Variants in TFEB observed in about 807,000 individuals in gnomAD.
TFEB encodes T-cell transcription factor EB.
Under a neutral mutation model 48.0 loss-of-function variants are expected in TFEB, and 12 were observed. That is an observed-to-expected ratio of 0.25 (90% CI 0.16 to 0.40). TFEB has a LOEUF of 0.40. TFEB is among the 10% of genes least tolerant of loss of function. TFEB has a pLI of 1.00. For missense variants in TFEB, 509 were observed against 640.3 expected (o/e 0.79, Z 2.21); for synonymous variants, 244 against 261.4 (o/e 0.93, Z 0.64).
At chr6:41,705,012 T>C (rs1198555121) in intron 1 of TFEB, among the ~76,000 whole-genome samples, 1 of 152,154 alleles carries the variant, frequency 6.6e-6, no homozygotes, top group East Asian at 1.9e-4. Context: ...AGACAGACCA[T>C]ATGAGACACA....
chr6:41,733,972 C>T, intron 1 of TFEB: 1 of 702,476 alleles, frequency 1.4e-6, no homozygotes, highest in Non-Finnish European at 1.8e-6. Flanking sequence ...AGGCCACACC[C>T]CAGAGGTGTC....
rs953962203 is a variant in TFEB, at chr6:41,730,059, G to T, written c.-23+5291C>A. On this transcript the variant is annotated intron_variant, in intron 1 of 8. Coordinates refer to ENST00000373033, the MANE Select transcript of TFEB (RefSeq NM_001271944.2). The surrounding 1 kb of genome is among the most constrained non-coding windows in gnomAD (Gnocchi z 4.1). Reference sequence around the variant, plus strand: ...TGTGTTTAAACAATTCCTCCAGGGAGTTCTCATGCATGCCCAAATTTGAGA... The same window carrying T: ...TGTGTTTAAACAATTCCTCCAGGGATTTCTCATGCATGCCCAAATTTGAGA... Among the ~76,000 whole-genome samples the T allele has an allele frequency of 6.6e-6, 1 of 152,064 alleles. No homozygotes were observed. Among genetic ancestry groups the T allele is most frequent in the African/African-American group, 2.4e-5 (1 of 41,398 alleles).
intron 1 of TFEB, among the ~76,000 whole-genome samples, chr6:41,697,622 T>C (rs934994899): frequency 4.6e-5 from 7 of 150,642 alleles, no homozygotes; most frequent in Admixed American, 2.7e-4. Flanking sequence ...TTTGGCAATA[T>C]ATGTCAAAGC....
chr6:41,684,773 C>A lies in TFEB; in HGVS notation c.1257G>T (p.Pro419=). The change falls in exon 9 of 9, where the codon CCG becomes CCT. Residue 419 remains proline (P), a synonymous_variant. Coordinates refer to ENST00000373033, the MANE Select transcript of TFEB (RefSeq NM_001271944.2). ...GPPGYPEPLA[P]GHGSPFPSLS... is the part of the protein sequence containing the mutation. ...GGCTGGGGAATGGGGAGCCATGCCC[C>A]GGCGCCAGGGGTTCGGGGTAGCCCG... is the stretch of plus-strand genomic sequence containing the variant. 6.2e-7 allele frequency: 1 copy of A among 1,611,600 alleles called. No individual in the cohort carries two copies. Among genetic ancestry groups the A allele is most frequent in the African/African-American group, 1.3e-5 (1 of 74,984 alleles).
intron 1 of TFEB, among the ~76,000 whole-genome samples, chr6:41,702,847 T>C (rs1182038330): frequency 6.6e-6 from 1 of 152,188 alleles, no homozygotes; most frequent in Admixed American, 6.5e-5. Flanking sequence ...TGCGTGACCT[T>C]GGGCAAGTCC....
In TFEB at chr6:41,724,007, T is replaced by G; in HGVS notation, c.-23+11343A>C. 1 of 476,298 alleles carries G rather than the reference T, an allele frequency of 2.1e-6. No homozygotes were observed. The allele number at this position is 476,298 out of a possible 1,614,324, so 29.5% of individuals were successfully genotyped here. On this transcript the variant is annotated intron_variant, in intron 1 of 8. Coordinates refer to ENST00000373033, the MANE Select transcript of TFEB (RefSeq NM_001271944.2). The surrounding 1 kb of genome is among the most constrained non-coding windows in gnomAD (Gnocchi z 4.4). ...CCTGACTGGCCATACACCTGCAGTC[T>G]TGGCCTTGGGCCTTCCCAGGGCCTC... is the stretch of plus-strand genomic sequence containing the variant.
intron 1 of TFEB, among the ~76,000 whole-genome samples, chr6:41,726,083 T>C (rs186383935): frequency 1.6e-3 from 239 of 152,226 alleles, no homozygotes; most frequent in Middle Eastern, 0.01. Flanking sequence ...CACTCCAGCC[T>C]GGGCAACAGA....
Position 41,723,419 on chromosome 6 carries a change from A to G in TFEB, c.-23+11931T>C. On this transcript the variant is annotated intron_variant, in intron 1 of 8. Coordinates refer to ENST00000373033, the MANE Select transcript of TFEB (RefSeq NM_001271944.2). The surrounding 1 kb of genome is among the most constrained non-coding windows in gnomAD (Gnocchi z 6.0). ...CACACATTCACACACATGCTCACAC[A>G]CATGCACACACTCACACACATGCAC... 1 of 1,151,244 alleles carries G rather than the reference A, an allele frequency of 8.7e-7. No individual in the cohort carries two copies. Among genetic ancestry groups the G allele is most frequent in the Non-Finnish European group, 1.2e-6 (1 of 863,774 alleles). The allele number at this position is 1,151,244 out of a possible 1,614,324, so 71.3% of individuals were successfully genotyped here.
At chr6:41,736,136 C>T, upstream of TFEB, 1 of 1,612,890 alleles carries the variant, frequency 6.2e-7, no homozygotes. Context: ...TACATTCACG[C>T]CCCACTCACC....
At chr6:41,706,132 G>T (rs918663631) in intron 1 of TFEB, among the ~76,000 whole-genome samples, 2 of 152,212 alleles carry the variant, frequency 1.3e-5, no homozygotes, top group Admixed American at 6.5e-5. Context: ...AGGGAGAGGG[G>T]CCTAGCAAGG....
chr6:41,714,308 C>T (rs558974732), intron 1 of TFEB, among the ~76,000 whole-genome samples: 1 of 152,314 alleles, frequency 6.6e-6, no homozygotes, highest in Non-Finnish European at 1.5e-5. Flanking sequence ...ACGGTGAGAA[C>T]CAAAGGGCCT....
chr6:41,690,850 TCCCGCACCTTCTGATGCTG>T lies in TFEB; in HGVS notation c.262_280del (p.Gln88SerfsTer98). The T allele has an allele frequency of 6.2e-7, 1 of 1,611,278 alleles. No individual in the cohort carries two copies. Among genetic ancestry groups the T allele is most frequent in the Non-Finnish European group, 8.5e-7 (1 of 1,177,980 alleles). ...GTTCCCATAGGTCTCGGACAGGTAC[TCCCGCACCTTCTGATGCTG>T]CGACTGCTGCAGATGGTAGGATGTG... On this transcript the variant is annotated frameshift_variant, in exon 3 of 9. Coordinates refer to ENST00000373033, the MANE Select transcript of TFEB (RefSeq NM_001271944.2). LOFTEE classifies it high-confidence loss of function.
chr6:41,734,201 G>T lies in TFEB; in HGVS notation c.-23+1149C>A, dbSNP rs999518197. 4 of 266,072 alleles carry T rather than the reference G, an allele frequency of 1.5e-5. No homozygotes were observed. The highest frequency in any genetic ancestry group is 2.3e-5 in the Non-Finnish European group (4 of 172,046). 16.5% of individuals were successfully genotyped at this position (266,072 alleles called of 1,614,324 possible). On this transcript the variant is annotated intron_variant, in intron 1 of 8. Coordinates refer to ENST00000373033, the MANE Select transcript of TFEB (RefSeq NM_001271944.2). The surrounding 1 kb of genome is among the most constrained non-coding windows in gnomAD (Gnocchi z 4.0). ...GAGAACGACGGCTGGAGCTGAGGGGGGTTCGGGGGAAGGCGCAGCGGCCAG... is the reference window on the plus strand; with the variant it reads ...GAGAACGACGGCTGGAGCTGAGGGGTGTTCGGGGGAAGGCGCAGCGGCCAG...
intron 1 of TFEB, among the ~76,000 whole-genome samples, chr6:41,712,758 C>A (rs1237030227): frequency 6.6e-6 from 1 of 152,096 alleles, no homozygotes; most frequent in Non-Finnish European, 1.5e-5. Flanking sequence ...GTGCACCCAG[C>A]GTTACTCTGG....
rs764697930 is a variant in TFEB, at chr6:41,723,533, G to T, written c.-23+11817C>A. Reference sequence around the variant, plus strand: ...CCTCCAGGGGCCGGAGCCCAGGGCCGCACCCCAGCCCCAGGGCCGGGCTCA... The same window carrying T: ...CCTCCAGGGGCCGGAGCCCAGGGCCTCACCCCAGCCCCAGGGCCGGGCTCA... On this transcript the variant is annotated intron_variant, in intron 1 of 8. Transcript: ENST00000373033. The surrounding 1 kb of genome is among the most constrained non-coding windows in gnomAD (Gnocchi z 6.0). The T allele has an allele frequency of 7.8e-7, 1 of 1,283,782 alleles. No homozygotes were observed. The highest frequency in any genetic ancestry group is 1.0e-6 in the Non-Finnish European group (1 of 986,382). The allele number at this position is 1,283,782 out of a possible 1,614,324, so 79.5% of individuals were successfully genotyped here. A position where few individuals can be genotyped will look rare whatever the true frequency, so the allele number is the denominator to read the frequency against.
At chr6:41,709,322 G>A (rs879818946) in intron 1 of TFEB, among the ~76,000 whole-genome samples, 29 of 152,170 alleles carry the variant, frequency 1.9e-4, no homozygotes, top group South Asian at 4.1e-4. Context: ...TCCCAGGGTC[G>A]CAGTATCCTC....
chr6:41,716,673 C>A (rs546562130), intron 1 of TFEB, among the ~76,000 whole-genome samples: 3 of 152,294 alleles, frequency 2.0e-5, no homozygotes, highest in East Asian at 3.9e-4. Context: ...CCCTGCCACC[C>A]CCACCCCCTT....
upstream of TFEB, chr6:41,735,616 T>A (rs1358328001): frequency 7.3e-6 from 7 of 956,314 alleles, no homozygotes; most frequent in African/African-American, 3.5e-5. Context: ...CACGCACACT[T>A]CCCTCCGCGC....
At chr6:41,694,945 G>C (rs1436832655) in intron 1 of TFEB, among the ~76,000 whole-genome samples, 4 of 151,820 alleles carry the variant, frequency 2.6e-5, no homozygotes, top group Admixed American at 6.6e-5. Flanking sequence ...TCACATGGCT[G>C]CCCCCATCAA....
Sources: gnomAD v4.1 joint callset for allele counts (sites outside exome capture counted in the v4.1 genomes callset) on GRCh38, gnomAD v4.1.1 for gene constraint, Gnocchi (gnomAD v3.1) non-coding constraint, MANE v1.5 for transcripts, NCBI Gene and HGNC (gene_info 2026-07-23, HGNC 2026-07-21) for gene names.